The following KCNQ1 variants were observed in gnomAD, a reference collection of about 807,000 sequenced individuals.
KCNQ1 encodes potassium voltage-gated channel subfamily Q member 1.
Under a neutral mutation model 72.4 loss-of-function variants are expected in KCNQ1, and 49 were observed. The ratio of observed to expected loss-of-function variants is 0.68; its 90% CI spans 0.54 to 0.86. The LOEUF is 0.86. Ranked by LOEUF, KCNQ1 falls within the 40% of genes least tolerant of loss-of-function variation. KCNQ1 has a pLI of 0.00. For synonymous variants in KCNQ1, 450 were observed against 412.6 expected, an observed-to-expected ratio of 1.09 and a Z score of -1.10; for missense variants, 790 against 945.1, an observed-to-expected ratio of 0.84 and a Z score of 2.15.
intron 1 of KCNQ1, chr11:2,461,335 G>A (rs1209803873): frequency 8.8e-6 from 9 of 1,020,282 alleles, no homozygotes; most frequent in South Asian, 8.0e-5. Context: ...GGTTGCTGTC[G>A]TTCCTGAAAT....
chr11:2,530,974 G>A lies in KCNQ1; in HGVS notation c.477+2956G>A, dbSNP rs1847614521. Among the ~76,000 whole-genome samples the A allele has an allele frequency of 1.3e-5, 2 of 152,098 alleles. 1 individual carries two copies. Among genetic ancestry groups the A allele is most frequent in the African/African-American group, 4.8e-5 (2 of 41,410 alleles). On this transcript the variant is annotated intron_variant, in intron 2 of 15. Coordinates refer to ENST00000155840, the MANE Select transcript of KCNQ1 (RefSeq NM_000218.3). ...TTAGCCCCTCGCCCCCAGGTGGCCTGGGACTTGCCTGGTTTTAAATGGAGC... is the reference window on the plus strand; with the variant it reads ...TTAGCCCCTCGCCCCCAGGTGGCCTAGGACTTGCCTGGTTTTAAATGGAGC...
At chr11:2,577,234 C>G (rs577269782) in intron 6 of KCNQ1, among the ~76,000 whole-genome samples, 81 of 152,316 alleles carry the variant, frequency 5.3e-4, no homozygotes, top group African/African-American at 1.9e-3. Flanking sequence ...CTGTCTTGCT[C>G]TCTCTGTCAC....
In KCNQ1 at chr11:2,734,139, G is replaced by A. The variant is rs530739996; in HGVS notation, c.1515-34705G>A. Among the ~76,000 whole-genome samples, 215 of 152,244 alleles carry A rather than the reference G, an allele frequency of 1.4e-3. 2 individuals carry two copies. The highest frequency in any genetic ancestry group is 0.012 in the South Asian group (59 of 4,828). The stretch of plus-strand genomic sequence containing the variant: ...GCACTGGCAGGGGTGGTCCTGCTCC[G>A]GCCCCAGGGCCCGCAGGTGTGTGTG... On this transcript the variant is annotated intron_variant, in intron 11 of 15. Coordinates refer to ENST00000155840, the MANE Select transcript of KCNQ1 (RefSeq NM_000218.3). This position sits in a 1 kb window ranked among gnomAD's most constrained non-coding sequence, Gnocchi z 7.0.
chr11:2,657,128 T>G lies in KCNQ1; in HGVS notation c.1394-4833T>G. On this transcript the variant is annotated intron_variant, in intron 10 of 15. Coordinates refer to ENST00000155840, the MANE Select transcript of KCNQ1 (RefSeq NM_000218.3). The surrounding 1 kb of genome is among the most constrained non-coding windows in gnomAD (Gnocchi z 4.8). ...CACATTGCCCTAATGACCACTGCCT[T>G]GGAAGAAGTACTGATGTTTGGTACA... 2.5e-6 allele frequency: 1 copy of G among 398,662 alleles called. No individual in the cohort carries two copies. 24.7% of individuals were successfully genotyped at this position (398,662 alleles called of 1,614,324 possible). A position where few individuals can be genotyped will look rare whatever the true frequency, so the allele number is the denominator to read the frequency against.
At chr11:2,456,732 T>C (rs577435884) in intron 1 of KCNQ1, among the ~76,000 whole-genome samples, 17 of 119,586 alleles carry the variant, frequency 1.4e-4, no homozygotes, top group East Asian at 9.6e-4. Context: ...CCATCCTGGC[T>C]AACATGGTGA....
In KCNQ1 at chr11:2,698,940, TC is replaced by T. The variant is rs1339185608; in HGVS notation, c.1514+36862del. ...TGTGGACCCTAGACCCGAATTCTGA[TC>T]CCAACTAGGATACCTAACTCAGAAC... is the stretch of plus-strand genomic sequence containing the variant. On this transcript the variant is annotated intron_variant, in intron 11 of 15. Coordinates refer to ENST00000155840, the MANE Select transcript of KCNQ1 (RefSeq NM_000218.3). This position sits in a 1 kb window ranked among gnomAD's most constrained non-coding sequence, Gnocchi z 5.1. The T allele has an allele frequency of 2.5e-6, 1 of 398,358 alleles. No homozygotes were observed. The highest frequency in any genetic ancestry group is 4.4e-6 in the Non-Finnish European group (1 of 226,070). The allele number at this position is 398,358 out of a possible 1,614,324, so 24.7% of individuals were successfully genotyped here. A position where few individuals can be genotyped will look rare whatever the true frequency, so the allele number is the denominator to read the frequency against.
chr11:2,709,840 A>C (rs1162805613), intron 11 of KCNQ1, among the ~76,000 whole-genome samples: 2 of 152,208 alleles, frequency 1.3e-5, no homozygotes, highest in African/African-American at 4.8e-5. Flanking sequence ...AGGGCCAAAT[A>C]ATATGCCATT....
intron 11 of KCNQ1, among the ~76,000 whole-genome samples, chr11:2,732,343 G>A (rs1405727877): frequency 2.0e-5 from 3 of 152,174 alleles, no homozygotes; most frequent in South Asian, 4.1e-4. Context: ...GAAGACCCTC[G>A]GGGCCAGAGC....
At chr11:2,460,085 AG>A (rs1017287428) in intron 1 of KCNQ1, among the ~76,000 whole-genome samples, 31 of 152,196 alleles carry the variant, frequency 2.0e-4, no homozygotes, top group Admixed American at 2.0e-3. Flanking sequence ...TGCCACCCCC[AG>A]GGGGCCCCTC....
intron 15 of KCNQ1, among the ~76,000 whole-genome samples, chr11:2,789,241 G>A (rs753478898): frequency 2.0e-5 from 3 of 151,996 alleles, no homozygotes; most frequent in Non-Finnish European, 1.5e-5. Flanking sequence ...GCATGGGTGC[G>A]GAAGAGCAGA....
intron 10 of KCNQ1, chr11:2,631,191 T>G (rs1328392443): frequency 2.5e-6 from 1 of 398,442 alleles, no homozygotes; most frequent in Non-Finnish European, 4.4e-6. Flanking sequence ...CCTTTACCTC[T>G]CTACTTTCCT....
intron 11 of KCNQ1, among the ~76,000 whole-genome samples, chr11:2,708,688 G>A (rs1850952702): frequency 6.6e-6 from 1 of 152,156 alleles, no homozygotes; most frequent in Non-Finnish European, 1.5e-5. Context: ...CTCTTAGGAG[G>A]CAGAAGATAC....
intron 15 of KCNQ1, among the ~76,000 whole-genome samples, chr11:2,821,182 G>T (rs550520932): frequency 1.2e-4 from 18 of 152,224 alleles, no homozygotes; most frequent in Non-Finnish European, 2.5e-4. Flanking sequence ...GTAGCAACAC[G>T]GGTGTCAGAG....
In KCNQ1 at chr11:2,847,914, G is replaced by A. The variant is rs34150427; in HGVS notation, c.1942G>A (p.Val648Ile). ...ITQPCGSGGS[V>I]DPELFLPSNT... ...CCAGCCCTGCGGCAGTGGCGGCTCC[G>A]TCGACCCTGAGCTCTTCCTGCCCAG... The change falls in exon 16 of 16, where the codon GTC becomes ATC. Residue 648 changes from valine (V) to isoleucine (I), a missense_variant. By Grantham distance (29) the Val-to-Ile change is conservative. This residue lies in a region of KCNQ1 where 94 missense variants were observed against 85.2 expected (regional missense o/e 1.10). Coordinates refer to ENST00000155840, the MANE Select transcript of KCNQ1 (RefSeq NM_000218.3). 1.3e-3 allele frequency: 1,975 copies of A among 1,576,322 alleles called. 16 individuals are homozygous for A. In the African/African-American group the frequency reaches 0.023, roughly 19 times the overall value.
rs946737384 is a variant in KCNQ1, at chr11:2,484,742, G to A, written c.386+39258G>A. Among the ~76,000 whole-genome samples, 36 of 152,252 alleles carry A rather than the reference G, an allele frequency of 2.4e-4. No homozygotes were observed. Among genetic ancestry groups the A allele is most frequent in the East Asian group, 7.7e-4 (4 of 5,170 alleles). ...CGCCACTGTGGACCTGCTGCTCTGC[G>A]CCCACTCGGCCGACGGAGCTGGGGA... is the stretch of plus-strand genomic sequence containing the variant. On this transcript the variant is annotated intron_variant, in intron 1 of 15. Coordinates refer to ENST00000155840, the MANE Select transcript of KCNQ1 (RefSeq NM_000218.3). This position sits in a 1 kb window ranked among gnomAD's most constrained non-coding sequence, Gnocchi z 5.2.
chr11:2,815,766 G>A lies in KCNQ1; in HGVS notation c.1795-32001G>A, dbSNP rs1847600661. Among the ~76,000 whole-genome samples the A allele has an allele frequency of 6.6e-6, 1 of 152,166 alleles. No homozygotes were observed. The highest frequency in any genetic ancestry group is 2.4e-5 in the African/African-American group (1 of 41,438). On this transcript the variant is annotated intron_variant, in intron 15 of 15. Transcript: ENST00000155840. The surrounding 1 kb of genome is among the most constrained non-coding windows in gnomAD (Gnocchi z 5.4). Reference sequence around the variant, plus strand: ...ACGGGAGTAGGATGGGGGCCCTGGAGGTACTGGGTGGAGCTGCCCCCAGCC... The same window carrying A: ...ACGGGAGTAGGATGGGGGCCCTGGAAGTACTGGGTGGAGCTGCCCCCAGCC...
chr11:2,616,955 CTTG>C (rs576722735), intron 10 of KCNQ1: 10 of 362,796 alleles, frequency 2.8e-5, no homozygotes, highest in Non-Finnish European at 4.7e-5. Context: ...TGTACATTAT[CTTG>C]TTGTGTTTTT....
At position 2,653,338 on chromosome 11, in the gene KCNQ1, C is replaced by CGTAG. The variant is rs1849786967; in HGVS notation, c.1394-8621_1394-8618dup. The CGTAG allele has an allele frequency of 2.5e-6, 1 of 398,624 alleles. No individual in the cohort carries two copies. Among genetic ancestry groups the CGTAG allele is most frequent in the African/African-American group, 2.1e-5 (1 of 48,630 alleles). The allele number at this position is 398,624 out of a possible 1,614,324, so 24.7% of individuals were successfully genotyped here. ...CCTTGACTGCCCCCAGGCCCATGTC[C>CGTAG]GTAGGCTCACACCTCACCCCCAACT... On this transcript the variant is annotated intron_variant, in intron 10 of 15. Transcript: ENST00000155840. This position sits in a 1 kb window ranked among gnomAD's most constrained non-coding sequence, Gnocchi z 5.3.
Position 2,624,767 on chromosome 11 carries a change from A to G in KCNQ1, c.1393+35913A>G, listed in dbSNP as rs1200449594. The G allele has an allele frequency of 5.0e-6, 2 of 398,416 alleles. No homozygotes were observed. The highest frequency in any genetic ancestry group is 4.1e-5 in the African/African-American group (2 of 48,614). 24.7% of individuals were successfully genotyped at this position (398,416 alleles called of 1,614,324 possible). On this transcript the variant is annotated intron_variant, in intron 10 of 15. Coordinates refer to ENST00000155840, the MANE Select transcript of KCNQ1 (RefSeq NM_000218.3). The surrounding 1 kb of genome is among the most constrained non-coding windows in gnomAD (Gnocchi z 4.9). ...CCCCCCCACCACCGCCATCTCTTGG[A>G]AACCACCTTGTACTTTCTATGTCTC...
Sources: allele counts gnomAD v4.1 joint callset (sites outside exome capture counted in the v4.1 genomes callset), GRCh38; gene constraint gnomAD v4.1.1; regional missense constraint gnomAD v4.1.1; non-coding constraint Gnocchi (gnomAD v3.1); transcripts MANE v1.5; gene names NCBI Gene and HGNC (gene_info 2026-07-23, HGNC 2026-07-21).